MIDEAS: variants seen among roughly 807,000 people sequenced by gnomAD.
MIDEAS encodes the protein mitotic deacetylase-associated SANT domain protein.
Under a neutral mutation model 102.7 loss-of-function variants are expected in MIDEAS, and 26 were observed. The ratio of observed to expected loss-of-function variants is 0.25; its 90% CI spans 0.19 to 0.35. MIDEAS has a LOEUF of 0.35. Among genes scored for constraint, MIDEAS ranks in the 10% least tolerant of loss-of-function variants. The pLI is 1.00. For missense variants in MIDEAS, 1,231 were observed against 1,435.6 expected (o/e 0.86, Z 2.30); for synonymous variants, 585 against 591.0 (o/e 0.99, Z 0.15).
chr14:73,737,946 T>G (rs2053224610), intron 2 of MIDEAS, among the ~76,000 whole-genome samples: 1 of 150,384 alleles, frequency 6.6e-6, no homozygotes, highest in South Asian at 2.1e-4. Context: ...CACACCTGGC[T>G]AATTTTTGTG....
chr14:73,727,327 G>A (rs1264127334), intron 5 of MIDEAS, 131 bp downstream of exon 5: 5 of 945,232 alleles, frequency 5.3e-6, no homozygotes, highest in South Asian at 1.4e-5. Context: ...GCCACATACA[G>A]AAGCTCAAGG....
At chr14:73,748,394 G>A (rs2053379871) in intron 1 of MIDEAS, among the ~76,000 whole-genome samples, 3 of 152,208 alleles carry the variant, frequency 2.0e-5, no homozygotes, top group African/African-American at 7.2e-5. Flanking sequence ...AGCAGGGCAT[G>A]GTGACACACG....
At chr14:73,744,067 A>C (rs1210676404) in intron 1 of MIDEAS, among the ~76,000 whole-genome samples, 2 of 152,082 alleles carry the variant, frequency 1.3e-5, no homozygotes, top group Non-Finnish European at 2.9e-5. Flanking sequence ...AAAAAATAAA[A>C]AACAGTGCTG....
At position 73,742,830 on chromosome 14, in the gene MIDEAS, C is replaced by A. The variant is rs973356969; in HGVS notation, c.-247-2575G>T. Among the ~76,000 whole-genome samples the A allele has an allele frequency of 6.6e-5, 10 of 152,196 alleles. No individual in the cohort carries two copies. The highest frequency in any genetic ancestry group is 2.4e-4 in the African/African-American group (10 of 41,532). ...GAGAAGAGTGGAAGATACTGGCAGC[C>A]TGGGAGGAAGGGTGAAGAGGCACAC... On this transcript the variant is annotated intron_variant, in intron 1 of 12. Transcript: ENST00000423556. This position sits in a 1 kb window ranked among gnomAD's most constrained non-coding sequence, Gnocchi z 4.4.
chr14:73,742,813 T>G lies in MIDEAS; in HGVS notation c.-247-2558A>C, dbSNP rs1595272584. Among the ~76,000 whole-genome samples the G allele has an allele frequency of 6.6e-6, 1 of 150,772 alleles. No individual in the cohort carries two copies. Among genetic ancestry groups the G allele is most frequent in the South Asian group, 2.1e-4 (1 of 4,754 alleles). ...CATCGGCTGGGGGTGGGGAGAAGAG[T>G]GGAAGATACTGGCAGCCTGGGAGGA... On this transcript the variant is annotated intron_variant, in intron 1 of 12. Coordinates refer to ENST00000423556, the MANE Select transcript of MIDEAS (RefSeq NM_001367710.1). The surrounding 1 kb of genome is among the most constrained non-coding windows in gnomAD (Gnocchi z 4.4).
At chr14:73,772,930 C>T (rs2053655205) in intron 1 of MIDEAS, among the ~76,000 whole-genome samples, 1 of 151,700 alleles carries the variant, frequency 6.6e-6, no homozygotes, top group African/African-American at 2.4e-5. Context: ...ACCTCCACCC[C>T]CCAGTTCAAG....
rs780672964 is a variant in MIDEAS at position 73,721,280 on chromosome 14, A to T, written c.2937+17T>A. On this transcript the variant is annotated intron_variant, in intron 11 of 12. Coordinates refer to ENST00000423556, the MANE Select transcript of MIDEAS (RefSeq NM_001367710.1). Reference sequence around the variant, plus strand: ...ACCCTGCTTGCCCTGGGCTCAGCCCATGGTGGTCACACTCACCGACTCATT... The same window carrying T: ...ACCCTGCTTGCCCTGGGCTCAGCCCTTGGTGGTCACACTCACCGACTCATT... 46 of 1,610,056 alleles carry T rather than the reference A, an allele frequency of 2.9e-5. No homozygotes were observed. Among genetic ancestry groups the T allele is most frequent in the Non-Finnish European group, 3.5e-5 (41 of 1,179,496 alleles).
chr14:73,741,227 T>G (rs756510224), intron 1 of MIDEAS, among the ~76,000 whole-genome samples: 1 of 152,148 alleles, frequency 6.6e-6, no homozygotes, highest in Non-Finnish European at 1.5e-5. Context: ...AAGTACACAG[T>G]TTTTCCATTT....
In MIDEAS at chr14:73,718,777, C is replaced by T. The variant is rs901525139; in HGVS notation, c.*66G>A. On this transcript the variant is annotated 3_prime_UTR_variant, in exon 13 of 13. Coordinates refer to ENST00000423556, the MANE Select transcript of MIDEAS (RefSeq NM_001367710.1). ...ACTCCCTCTTGAGATGCCAGGGTGT[C>T]TGCGGGCGCTGGCGGCGGTGCGGGA... 2 of 1,331,676 alleles carry T rather than the reference C, an allele frequency of 1.5e-6. No homozygotes were observed. The highest frequency in any genetic ancestry group is 3.1e-5 in the African/African-American group (2 of 64,296). 82.5% of individuals were successfully genotyped at this position (1,331,676 alleles called of 1,614,324 possible).
intron 1 of MIDEAS, among the ~76,000 whole-genome samples, chr14:73,741,907 A>G (rs964269391): frequency 2.6e-5 from 4 of 152,172 alleles, no homozygotes; most frequent in Admixed American, 1.3e-4. Flanking sequence ...AGGGCATCCA[A>G]GTCACCCTCA....
intron 1 of MIDEAS, among the ~76,000 whole-genome samples, chr14:73,751,328 G>A (rs548682691): frequency 2.0e-5 from 3 of 152,356 alleles, no homozygotes; most frequent in African/African-American, 7.2e-5. Flanking sequence ...ACACCAGGCT[G>A]CCTGGGATAG....
intron 4 of MIDEAS, 141 bp from the exon 5 acceptor site, chr14:73,727,665 G>T: frequency 1.3e-6 from 1 of 756,864 alleles, no homozygotes; most frequent in Non-Finnish European, 2.1e-6. Context: ...CTGAGTCCTG[G>T]CTCTGCAGCC....
At position 73,721,288 on chromosome 14, in the gene MIDEAS, C is replaced by G; in HGVS notation, c.2937+9G>C. The G allele has an allele frequency of 6.2e-7, 1 of 1,611,232 alleles. No homozygotes were observed. Among genetic ancestry groups the G allele is most frequent in the Non-Finnish European group, 8.5e-7 (1 of 1,179,812 alleles). On this transcript the variant is annotated intron_variant, in intron 11 of 12. Coordinates refer to ENST00000423556, the MANE Select transcript of MIDEAS (RefSeq NM_001367710.1). ...TGCCCTGGGCTCAGCCCATGGTGGT[C>G]ACACTCACCGACTCATTGGCCTGTA... is the stretch of plus-strand genomic sequence containing the variant.
At chr14:73,752,365 C>A (rs192476040) in intron 1 of MIDEAS, among the ~76,000 whole-genome samples, 6 of 152,192 alleles carry the variant, frequency 3.9e-5, no homozygotes, top group South Asian at 4.2e-4. Context: ...TGACATTCGT[C>A]TGGGGGAGGT....
chr14:73,751,453 C>T (rs1447272590), intron 1 of MIDEAS, among the ~76,000 whole-genome samples: 1 of 152,098 alleles, frequency 6.6e-6, no homozygotes, highest in Non-Finnish European at 1.5e-5. Context: ...TGGGAGAGGC[C>T]GGGCAGGTGA....
At chr14:73,777,943 C>G (rs1379701373) in intron 1 of MIDEAS, among the ~76,000 whole-genome samples, 3 of 151,942 alleles carry the variant, frequency 2.0e-5, no homozygotes, top group African/African-American at 7.2e-5. Context: ...AAGTGGGGAC[C>G]TGAAGCTTCT....
chr14:73,773,895 G>A (rs577560356), intron 1 of MIDEAS, among the ~76,000 whole-genome samples: 32 of 151,584 alleles, frequency 2.1e-4, no homozygotes, highest in Admixed American at 3.3e-4. Flanking sequence ...GGTGGTGGGC[G>A]CCTGTAGTCC....
chr14:73,732,873 C>A (rs1193778137), intron 3 of MIDEAS, among the ~76,000 whole-genome samples: 4 of 151,242 alleles, frequency 2.6e-5, no homozygotes, highest in Non-Finnish European at 4.4e-5. Context: ...GGTGGATCGC[C>A]TGAGGTCAGG....
chr14:73,743,779 G>A (rs958959508), intron 1 of MIDEAS, among the ~76,000 whole-genome samples: 15 of 152,170 alleles, frequency 9.9e-5, no homozygotes, highest in Non-Finnish European at 2.1e-4. Flanking sequence ...CTCTGACAAC[G>A]GATGCAGGAA....
Sources: allele counts gnomAD v4.1 joint callset (sites outside exome capture counted in the v4.1 genomes callset), GRCh38; gene constraint gnomAD v4.1.1; non-coding constraint Gnocchi (gnomAD v3.1); transcripts MANE v1.5; gene names NCBI Gene and HGNC (gene_info 2026-07-23, HGNC 2026-07-21).